XRRA1: variants seen among roughly 807,000 people sequenced by gnomAD.
The protein encoded by XRRA1 is X-ray radiation resistance-associated protein 1.
A neutral mutation model predicts 80.2 loss-of-function variants in XRRA1; 69 were observed. The ratio of observed to expected loss-of-function variants is 0.86; its 90% CI spans 0.71 to 1.05. XRRA1 has a LOEUF of 1.05. Ranked by LOEUF, XRRA1 falls within the 50% of genes least tolerant of loss-of-function variation. The probability of loss-of-function intolerance (pLI) is 0.00; values close to 1 mark genes in which losing one functional copy is unlikely to be tolerated. For missense variants in XRRA1, 967 were observed against 976.4 expected (o/e 0.99, Z 0.13); for synonymous variants, 348 against 389.9 (o/e 0.89, Z 1.27).
intron 2 of XRRA1, among the ~76,000 whole-genome samples, chr11:74,943,012 G>A (rs1946651012): frequency 6.6e-6 from 1 of 152,192 alleles, no homozygotes; most frequent in Non-Finnish European, 1.5e-5. Context: ...GATGAGGGAG[G>A]GCAGGCTCCT....
intron 10 of XRRA1, among the ~76,000 whole-genome samples, chr11:74,893,783 AT>A (rs1447330009): frequency 6.6e-6 from 1 of 152,242 alleles, no homozygotes; most frequent in African/African-American, 2.4e-5. Context: ...GGGAAGGCTT[AT>A]ACACTGCTGG....
At chr11:74,860,199 A>G (rs1289477074) in intron 11 of XRRA1, among the ~76,000 whole-genome samples, 1 of 152,228 alleles carries the variant, frequency 6.6e-6, no homozygotes, top group African/African-American at 2.4e-5. Context: ...TTGTAAAACC[A>G]CACAAGTGGA....
chr11:74,944,831 C>T (rs575747120), intron 2 of XRRA1, among the ~76,000 whole-genome samples, 187 bp downstream of exon 2: 6 of 152,322 alleles, frequency 3.9e-5, no homozygotes, highest in African/African-American at 1.4e-4. Context: ...CAGGAACTCT[C>T]TCTCATGACC....
chr11:74,852,221 G>A, intron 12 of XRRA1, 139 bp from the exon 13 acceptor site: 2 of 679,214 alleles, frequency 2.9e-6, no homozygotes, highest in Non-Finnish European at 5.2e-6. Context: ...CTGTGGATGG[G>A]ACTCACTGCT....
At chr11:74,861,917 G>A (rs1012805837) in intron 11 of XRRA1, among the ~76,000 whole-genome samples, 1 of 152,138 alleles carries the variant, frequency 6.6e-6, no homozygotes, top group African/African-American at 2.4e-5. Flanking sequence ...AAATCTTTTT[G>A]GGAACTACCC....
At chr11:74,925,022 G>A (rs760859309) in intron 7 of XRRA1, among the ~76,000 whole-genome samples, 33 of 152,126 alleles carry the variant, frequency 2.2e-4, no homozygotes, top group Non-Finnish European at 3.8e-4. Flanking sequence ...AAAGTTTGCT[G>A]ACCTCATTCT....
At chr11:74,869,632 T>G (rs1250369886) in intron 10 of XRRA1, among the ~76,000 whole-genome samples, 1 of 152,186 alleles carries the variant, frequency 6.6e-6, no homozygotes, top group Non-Finnish European at 1.5e-5. Context: ...CCTGCCTGCA[T>G]ATTAGAAGAT....
intron 12 of XRRA1, among the ~76,000 whole-genome samples, chr11:74,852,482 A>C (rs566494271): frequency 6.6e-6 from 1 of 152,322 alleles, no homozygotes; most frequent in African/African-American, 2.4e-5. Context: ...CATTGACTTT[A>C]ACTTCAGGAT....
At chr11:74,907,766 C>A (rs1383027083) in intron 8 of XRRA1, among the ~76,000 whole-genome samples, 2 of 152,102 alleles carry the variant, frequency 1.3e-5, no homozygotes, top group Admixed American at 1.3e-4. Context: ...AGGGCACCAC[C>A]CCTGGCTGCA....
intron 12 of XRRA1, among the ~76,000 whole-genome samples, chr11:74,852,516 C>T (rs1273208779): frequency 2.0e-5 from 3 of 152,216 alleles, no homozygotes; most frequent in African/African-American, 7.2e-5. Context: ...TCATCTTCCT[C>T]AGCACAAACC....
At chr11:74,868,395 A>G (rs764869329) in intron 10 of XRRA1, among the ~76,000 whole-genome samples, 1 of 152,220 alleles carries the variant, frequency 6.6e-6, no homozygotes, top group African/African-American at 2.4e-5. Flanking sequence ...ACTTGGAAAG[A>G]AAAGACTGTT....
intron 10 of XRRA1, among the ~76,000 whole-genome samples, chr11:74,886,190 T>C (rs556715977): frequency 1.3e-5 from 2 of 152,122 alleles, no homozygotes; most frequent in Non-Finnish European, 2.9e-5. Flanking sequence ...CTATTTGATA[T>C]AGCACTGCAA....
chr11:74,872,224 C>A (rs1055736320), intron 10 of XRRA1, among the ~76,000 whole-genome samples: 1 of 152,192 alleles, frequency 6.6e-6, no homozygotes, highest in African/African-American at 2.4e-5. Context: ...GATGAGAATC[C>A]TGCAGCCTTT....
chr11:74,865,413 A>G (rs2043192353), intron 10 of XRRA1, among the ~76,000 whole-genome samples: 2 of 152,348 alleles, frequency 1.3e-5, no homozygotes, highest in South Asian at 2.1e-4. Flanking sequence ...GTTCCACAGC[A>G]GATCCCAAGG....
intron 12 of XRRA1, among the ~76,000 whole-genome samples, chr11:74,855,992 C>T (rs955465355): frequency 6.6e-5 from 10 of 151,696 alleles, no homozygotes; most frequent in Non-Finnish European, 1.5e-4. Context: ...ATTAGCCAGG[C>T]GTGGTAGCGG....
chr11:74,878,003 GTAT>G (rs1372765055), intron 10 of XRRA1, among the ~76,000 whole-genome samples: 4 of 151,674 alleles, frequency 2.6e-5, no homozygotes, highest in Non-Finnish European at 4.4e-5. Flanking sequence ...GGGTCAAATG[GTAT>G]TTCCAGTTCT....
chr11:74,883,293 C>G (rs1001218262), intron 10 of XRRA1, among the ~76,000 whole-genome samples: 1 of 152,136 alleles, frequency 6.6e-6, no homozygotes, highest in African/African-American at 2.4e-5. Context: ...GTCCGTCACC[C>G]CTTTCTTTGA....
intron 10 of XRRA1, among the ~76,000 whole-genome samples, chr11:74,893,314 C>CCAAA (rs2051286611): frequency 6.6e-6 from 1 of 150,378 alleles, no homozygotes; most frequent in Non-Finnish European, 1.5e-5. Flanking sequence ...GGACAGAAAA[C>CCAAA]CAAACACTGC....
rs1361579536 is a variant in XRRA1, at chr11:74,890,848, A to G, written c.1003+15391T>C. On this transcript the variant is annotated intron_variant, in intron 10 of 18. Transcript: ENST00000684022. ...AACACATACACCCTCCCAAGGCTAA[A>G]CCAGGAAGAAGTTGAATCTCTGAAT... Among the ~76,000 whole-genome samples, 3 of 152,218 alleles carry G rather than the reference A, an allele frequency of 2.0e-5. No homozygotes were observed. The East Asian group carries it at 5.8e-4, about 29-fold the overall frequency.
Sources: allele counts gnomAD v4.1 joint callset (sites outside exome capture counted in the v4.1 genomes callset), GRCh38; gene constraint gnomAD v4.1.1; transcripts MANE v1.5; gene names NCBI Gene and HGNC (gene_info 2026-07-23, HGNC 2026-07-21).